Variants in NECTIN3 observed in about 807,000 individuals in gnomAD.
NECTIN3 encodes nectin cell adhesion molecule 3.
In NECTIN3, 8 loss-of-function variants were observed where a neutral mutation model predicts 49.4. The observed-to-expected ratio is 0.16, with a 90% CI of 0.10 to 0.29. The LOEUF is 0.29. NECTIN3 is among the 10% of genes least tolerant of loss of function. The pLI, the probability that NECTIN3 is intolerant of heterozygous loss-of-function variation, is 1.00. For synonymous variants in NECTIN3, 277 were observed against 241.1 expected, an observed-to-expected ratio of 1.15 and a Z score of -1.38; for missense variants, 581 against 654.6, an observed-to-expected ratio of 0.89 and a Z score of 1.23.
chr3:111,138,526 A>G (rs2034654230), downstream of NECTIN3, among the ~76,000 whole-genome samples: 1 of 151,620 alleles, frequency 6.6e-6, no homozygotes, highest in South Asian at 2.1e-4. Context: ...GTTTTTATCA[A>G]GAGCTTGAAA....
intron 1 of NECTIN3, among the ~76,000 whole-genome samples, chr3:111,086,681 A>G (rs1445282219): frequency 6.6e-6 from 1 of 152,138 alleles, no homozygotes; most frequent in African/African-American, 2.4e-5. Context: ...AAGCTCGCCT[A>G]TTCAGGTTTA....
chr3:111,086,688 T>A (rs2031951559), intron 1 of NECTIN3, among the ~76,000 whole-genome samples: 1 of 152,088 alleles, frequency 6.6e-6, no homozygotes, highest in South Asian at 2.1e-4. Context: ...CCTATTCAGG[T>A]TTATTGTACT....
intron 6 of NECTIN3, chr3:111,147,299 A>T: frequency 1.2e-6 from 1 of 839,408 alleles, no homozygotes; most frequent in Non-Finnish European, 1.8e-6. Flanking sequence ...TATCTATATA[A>T]TATGAGGAAA....
At chr3:111,073,541 A>G (rs2030955664) in intron 1 of NECTIN3, 2 of 152,480 alleles carry the variant, frequency 1.3e-5, no homozygotes, top group South Asian at 2.1e-4. Context: ...CCGACTCCGC[A>G]GATACTTGGT....
At chr3:111,170,350 A>G (rs1409184093) in intron 7 of NECTIN3, among the ~76,000 whole-genome samples, 1 of 152,156 alleles carries the variant, frequency 6.6e-6, no homozygotes, top group Non-Finnish European at 1.5e-5. Context: ...CTTTACATGA[A>G]CTGTGTCATT....
Position 111,112,116 on chromosome 3 carries a change from A to G in NECTIN3, c.247A>G (p.Asn83Asp), listed in dbSNP as rs1356017015. 1.2e-6 allele frequency: 2 copies of G among 1,613,618 alleles called. No individual in the cohort carries two copies. The highest frequency in any genetic ancestry group is 1.7e-6 in the Non-Finnish European group (2 of 1,179,800). Residue 83 changes from asparagine to aspartate, a missense_variant, in exon 2 of 6, where the codon AAT (asparagine) becomes GAT (aspartate). Physicochemically the swap from Asn to Asp is conservative, Grantham distance 23. Coordinates refer to ENST00000485303, the MANE Select transcript of NECTIN3 (RefSeq NM_015480.3). ...NVSLKCLIEV[N>D]ETITQISWEK... ...TTCATTAAAGTGTTTAATTGAAGTAAATGAAACCATAACACAGATTTCATG... is the reference window on the plus strand; with the variant it reads ...TTCATTAAAGTGTTTAATTGAAGTAGATGAAACCATAACACAGATTTCATG...
chr3:111,136,447 C>T lies in NECTIN3; in HGVS notation c.*2232C>T. On this transcript the variant is annotated 3_prime_UTR_variant, in exon 6 of 6. Transcript: ENST00000485303. ...ACATATTCTGTATCCTTAATCCAAT[C>T]ATTTGGCAAACTAAAAGGTTTCTGT... The T allele has an allele frequency of 1.0e-6, 1 of 984,092 alleles. No homozygotes were observed. The highest frequency in any genetic ancestry group is 1.2e-6 in the Non-Finnish European group (1 of 828,966). 61.0% of individuals were successfully genotyped at this position (984,092 alleles called of 1,614,324 possible).
At chr3:111,187,628 A>G (rs2035745341), upstream of NECTIN3, among the ~76,000 whole-genome samples, 1 of 152,256 alleles carries the variant, frequency 6.6e-6, no homozygotes, top group Non-Finnish European at 1.5e-5. Flanking sequence ...CTAAAAAGGA[A>G]TAAACCATCA....
Position 111,071,983 on chromosome 3 carries a change from G to C in NECTIN3, c.-35G>C. 1 of 1,355,760 alleles carries C rather than the reference G, an allele frequency of 7.4e-7. No individual in the cohort carries two copies. Among genetic ancestry groups the C allele is most frequent in the Non-Finnish European group, 9.7e-7 (1 of 1,031,636 alleles). 84.0% of individuals were successfully genotyped at this position (1,355,760 alleles called of 1,614,324 possible). A position where few individuals can be genotyped will look rare whatever the true frequency, so the allele number is the denominator to read the frequency against. On this transcript the variant is annotated 5_prime_UTR_variant, in exon 1 of 6. Coordinates refer to ENST00000485303, the MANE Select transcript of NECTIN3 (RefSeq NM_015480.3). ...GCGCCGGGGCCGGGGGAGCCGGGGGGCGGGCGGGCGAGCGGGCCGGGGGGA... is the reference window on the plus strand; with the variant it reads ...GCGCCGGGGCCGGGGGAGCCGGGGGCCGGGCGGGCGAGCGGGCCGGGGGGA...
At chr3:111,170,183 A>G (rs1269011899) in intron 7 of NECTIN3, among the ~76,000 whole-genome samples, 1 of 152,206 alleles carries the variant, frequency 6.6e-6, no homozygotes, top group African/African-American at 2.4e-5. Flanking sequence ...TTAGGCATGA[A>G]GATGAAGAAA....
At chr3:111,076,310 A>G (rs2107351211) in intron 1 of NECTIN3, among the ~76,000 whole-genome samples, 1 of 152,130 alleles carries the variant, frequency 6.6e-6, no homozygotes, top group East Asian at 1.9e-4. Context: ...TTAACCCTTA[A>G]AAATTAGTGA....
At chr3:111,090,079 G>A (rs1391875900) in intron 1 of NECTIN3, among the ~76,000 whole-genome samples, 1 of 151,934 alleles carries the variant, frequency 6.6e-6, no homozygotes, top group Non-Finnish European at 1.5e-5. Context: ...ATTTCAATTA[G>A]CGTTTGCATT....
intron 1 of NECTIN3, among the ~76,000 whole-genome samples, chr3:111,101,521 T>G (rs761822774): frequency 6.6e-6 from 1 of 152,160 alleles, no homozygotes; most frequent in Non-Finnish European, 1.5e-5. Context: ...GAAGCTGAAT[T>G]TTTTAGCTTC....
rs531992809 is a variant in NECTIN3, at chr3:111,137,363, A to C, written c.*3148A>C. 5 of 968,080 alleles carry C rather than the reference A, an allele frequency of 5.2e-6. No individual in the cohort carries two copies. The South Asian group carries it at 1.9e-4, about 37-fold the overall frequency. The allele number at this position is 968,080 out of a possible 1,614,324, so 60.0% of individuals were successfully genotyped here. On this transcript the variant is annotated 3_prime_UTR_variant, in exon 6 of 6. Transcript: ENST00000485303. Reference sequence around the variant, plus strand: ...TCCTTCATAAACAGCTCCTTTCTCAAATTTTTTGTATATTGTGTTTGTGTT... The same window carrying C: ...TCCTTCATAAACAGCTCCTTTCTCACATTTTTTGTATATTGTGTTTGTGTT...
rs900927204 is a variant in NECTIN3, at chr3:111,134,176, A to G, written c.1611A>G (p.Val537=). The part of the protein sequence containing the change: ...DENEDDLVSH[V]DGSVISRREW... ...ACGAAGATGACTTAGTTTCACATGT[A>G]GATGGTTCCGTAATTTCCAGGAGGG... is the stretch of plus-strand genomic sequence containing the variant. The change falls in exon 6 of 6, where the codon GTA becomes GTG. Residue 537 remains valine, a synonymous_variant. Transcript: ENST00000485303. The G allele has an allele frequency of 8.1e-6, 13 of 1,609,854 alleles. No homozygotes were observed. Among genetic ancestry groups the G allele is most frequent in the Non-Finnish European group, 1.1e-5 (13 of 1,178,356 alleles).
At chr3:111,171,679 AC>A (rs2035435162) in intron 7 of NECTIN3, among the ~76,000 whole-genome samples, 2 of 151,672 alleles carry the variant, frequency 1.3e-5, no homozygotes, top group South Asian at 4.2e-4. Context: ...ATATTATATG[AC>A]CCTACTGCAC....
chr3:111,155,118 A>T (rs1435659027), intron 7 of NECTIN3, among the ~76,000 whole-genome samples: 1 of 152,102 alleles, frequency 6.6e-6, no homozygotes, highest in East Asian at 1.9e-4. Flanking sequence ...TTGTATTTTT[A>T]GGAGAGACGG....
chr3:111,105,756 C>T (rs1214963442), intron 1 of NECTIN3, among the ~76,000 whole-genome samples: 1 of 152,202 alleles, frequency 6.6e-6, no homozygotes, highest in Non-Finnish European at 1.5e-5. Context: ...CTGCCTAGCT[C>T]TATTTAGTTT....
At chr3:111,163,918 A>C (rs2107522003) in intron 7 of NECTIN3, among the ~76,000 whole-genome samples, 1 of 152,142 alleles carries the variant, frequency 6.6e-6, no homozygotes, top group South Asian at 2.1e-4. Context: ...AATCAAGAAA[A>C]GATTTCCCAG....
Sources: allele counts gnomAD v4.1 joint callset (sites outside exome capture counted in the v4.1 genomes callset), GRCh38; gene constraint gnomAD v4.1.1; transcripts MANE v1.5; gene names NCBI Gene and HGNC (gene_info 2026-07-23, HGNC 2026-07-21).